CATSPERE: variants seen among roughly 807,000 people sequenced by gnomAD.
CATSPERE encodes the protein catsper channel auxiliary subunit epsilon, also known as cation channel sperm-associated auxiliary subunit epsilon.
A neutral mutation model predicts 114.1 loss-of-function variants in CATSPERE; 93 were observed. The observed-to-expected ratio is 0.81, with a 90% CI of 0.69 to 0.97. The LOEUF is 0.97. Among genes scored for constraint, CATSPERE ranks in the 50% least tolerant of loss-of-function variants. The pLI, the probability that CATSPERE is intolerant of heterozygous loss-of-function variation, is 0.00. For missense variants in CATSPERE, 1,058 were observed against 1,131.6 expected (o/e 0.93, Z 0.93); for synonymous variants, 341 against 384.1 (o/e 0.89, Z 1.31).
Position 244,461,472 on chromosome 1 carries a change from T to G in CATSPERE, c.43T>G (p.Cys15Gly). The change falls in exon 1 of 22, where the codon TGC (cysteine) becomes GGC (glycine). Residue 15 changes from cysteine (C) to glycine (G), a missense_variant. Around this residue, in one of 2 missense-constraint regions of CATSPERE, gnomAD observed 271 missense variants for 225.9 expected, o/e 1.20. Transcript: ENST00000366534. Reference sequence around the variant, plus strand: ...GGCCGTGCTGCTGCTGTGGCTGAGCTGCTATGGCTCCGCCCTTTGGAGGTA... The same window carrying G: ...GGCCGTGCTGCTGCTGTGGCTGAGCGGCTATGGCTCCGCCCTTTGGAGGTA... Reference protein sequence around the residue: ...EVAVLLLWLSCYGSALWRYST... With the variant: ...EVAVLLLWLSGYGSALWRYST... The G allele has an allele frequency of 2.2e-6, 3 of 1,351,696 alleles. No homozygotes were observed. The highest frequency in any genetic ancestry group is 2.9e-6 in the Non-Finnish European group (3 of 1,045,398). 83.7% of individuals were successfully genotyped at this position (1,351,696 alleles called of 1,614,324 possible).
chr1:244,620,572 A>T (rs1254512300), intron 20 of CATSPERE, among the ~76,000 whole-genome samples: 1 of 152,208 alleles, frequency 6.6e-6, no homozygotes, highest in Non-Finnish European at 1.5e-5. Context: ...CAAGTGAAAG[A>T]ACATCATTTT....
At chr1:244,627,668 T>A (rs1673385768) in intron 20 of CATSPERE, among the ~76,000 whole-genome samples, 1 of 152,174 alleles carries the variant, frequency 6.6e-6, no homozygotes, top group Admixed American at 6.5e-5. Context: ...TTTGTGTTAA[T>A]CCCGTGTTGA....
intron 15 of CATSPERE, among the ~76,000 whole-genome samples, chr1:244,592,194 C>T (rs1160563088): frequency 6.6e-6 from 1 of 152,038 alleles, no homozygotes; most frequent in African/African-American, 2.4e-5. Flanking sequence ...ACTAAAAATA[C>T]AAAAAACTAG....
chr1:244,490,676 T>TC (rs36067529), intron 6 of CATSPERE, among the ~76,000 whole-genome samples: 1 of 152,080 alleles, frequency 6.6e-6, no homozygotes, highest in Non-Finnish European at 1.5e-5. Context: ...GGATGGATCT[T>TC]CCCCCCTTTT....
In CATSPERE at chr1:244,504,766, A is replaced by C. The variant is rs148759689; in HGVS notation, c.429+5687A>C. Among the ~76,000 whole-genome samples the C allele has an allele frequency of 1.5e-3, 222 of 152,374 alleles. No individual in the cohort carries two copies. Among genetic ancestry groups the C allele is most frequent in the African/African-American group, 5.1e-3 (213 of 41,588 alleles). ...CCATTACGCGCAATCAAGGGCGCAT[A>C]CAATCATATGATGTGTCGCTGCTGA... On this transcript the variant is annotated intron_variant, in intron 7 of 21. Transcript: ENST00000366534. The surrounding 1 kb of genome is among the most constrained non-coding windows in gnomAD (Gnocchi z 4.1).
At chr1:244,582,640 G>C (rs1249469284) in intron 12 of CATSPERE, among the ~76,000 whole-genome samples, 2 of 152,012 alleles carry the variant, frequency 1.3e-5, no homozygotes, top group African/African-American at 4.8e-5. Context: ...AACCTCAGGT[G>C]ATCCGCCCAC....
intron 1 of CATSPERE, among the ~76,000 whole-genome samples, chr1:244,454,848 C>A (rs998322836): frequency 6.6e-6 from 1 of 152,068 alleles, no homozygotes; most frequent in Non-Finnish European, 1.5e-5. Flanking sequence ...TATAAGCCTG[C>A]TTTTCAAGCC....
chr1:244,576,717 T>C (rs141713174), intron 11 of CATSPERE, among the ~76,000 whole-genome samples: 77 of 152,246 alleles, frequency 5.1e-4, no homozygotes, highest in African/African-American at 1.8e-3. Context: ...ACTGTGTAAC[T>C]CAAATGGCAG....
At chr1:244,602,618 G>A (rs1202711991) in intron 17 of CATSPERE, among the ~76,000 whole-genome samples, 1 of 152,200 alleles carries the variant, frequency 6.6e-6, no homozygotes, top group Admixed American at 6.5e-5. Flanking sequence ...GCTGGATTCA[G>A]AGTCCCAGGG....
At chr1:244,552,261 C>A in intron 8 of CATSPERE, 61 bp from the exon 9 acceptor site, 1 of 1,504,652 alleles carries the variant, frequency 6.6e-7, no homozygotes, top group Non-Finnish European at 8.9e-7. Context: ...TAGATATCAA[C>A]TGTACAAGAT....
rs1673049367 is a variant in CATSPERE, at chr1:244,625,432, A to ATTTGTTTTTTTTTTTT, written c.2648+7749_2648+7750insGTTTTTTTTTTTTTTT. ...TATATATATATATATATATATATAT[A>ATTTGTTTTTTTTTTTT]TTTTTTTTTTTTTTTGAGATGGAGT... On this transcript the variant is annotated intron_variant, in intron 20 of 21. Transcript: ENST00000366534. 1.0e-3 allele frequency among the ~76,000 whole-genome samples: 4 copies of ATTTGTTTTTTTTTTTT among 3,986 alleles called. 1 individual carries two copies. Among genetic ancestry groups the ATTTGTTTTTTTTTTTT allele is most frequent in the African/African-American group, 2.8e-3 (4 of 1,434 alleles). 2.6% of individuals were successfully genotyped at this position (3,986 alleles called of 152,430 possible).
chr1:244,591,659 C>T, intron 14 of CATSPERE, 22 bp from the exon 15 acceptor site: 1 of 1,383,250 alleles, frequency 7.2e-7, no homozygotes, highest in Non-Finnish European at 1.0e-6. Flanking sequence ...ATTTCAACTT[C>T]ATTATGTTTT....
intron 20 of CATSPERE, among the ~76,000 whole-genome samples, chr1:244,630,291 C>T (rs1253562462): frequency 3.9e-5 from 6 of 152,114 alleles, no homozygotes; most frequent in African/African-American, 1.4e-4. Flanking sequence ...GGTGAAAGCT[C>T]CCACATCATG....
intron 8 of CATSPERE, among the ~76,000 whole-genome samples, chr1:244,533,129 TG>T (rs1242997814): frequency 6.6e-6 from 1 of 150,878 alleles, no homozygotes; most frequent in Non-Finnish European, 1.5e-5. Flanking sequence ...TCTCTTTTTG[TG>T]GTTTTTGTCT....
chr1:244,549,423 A>ATC (rs34425843), intron 8 of CATSPERE, among the ~76,000 whole-genome samples: 132,190 of 148,162 alleles, frequency 0.89, 58,438 homozygotes, highest in East Asian at 1. Flanking sequence ...GTGTATGTCT[A>ATC]TATATATATA....
rs542980620 is a variant in CATSPERE at position 244,583,266 on chromosome 1, G to A, written c.2010-598G>A. 9.2e-5 allele frequency among the ~76,000 whole-genome samples: 14 copies of A among 151,824 alleles called. No homozygotes were observed. In the South Asian group the frequency reaches 1.5e-3, roughly 16 times the overall value. Reference sequence around the variant, plus strand: ...GTGTAGGTATAAATCAAACTTTCACGTTTTCTTCTATTATTTTTTAGCCCT... The same window carrying A: ...GTGTAGGTATAAATCAAACTTTCACATTTTCTTCTATTATTTTTTAGCCCT... On this transcript the variant is annotated intron_variant, in intron 12 of 21. Transcript: ENST00000366534.
upstream of CATSPERE, among the ~76,000 whole-genome samples, chr1:244,460,062 C>T (rs553717007): frequency 6.6e-5 from 10 of 152,346 alleles, no homozygotes; most frequent in East Asian, 1.2e-3. Context: ...TCTAACTGAA[C>T]GGATTGCATC....
chr1:244,469,690 A>G (rs1452151879), intron 2 of CATSPERE, among the ~76,000 whole-genome samples: 1 of 152,246 alleles, frequency 6.6e-6, no homozygotes, highest in South Asian at 2.1e-4. Context: ...TCTTATGGCA[A>G]TTCATAGGAA....
At chr1:244,569,069 TC>T (rs1664049602) in intron 10 of CATSPERE, among the ~76,000 whole-genome samples, 1 of 149,556 alleles carries the variant, frequency 6.7e-6, no homozygotes, top group Non-Finnish European at 1.5e-5. Context: ...ACCAGACTGT[TC>T]CTCATGGCAC....
Sources: allele counts gnomAD v4.1 joint callset (sites outside exome capture counted in the v4.1 genomes callset), GRCh38; gene constraint gnomAD v4.1.1; regional missense constraint gnomAD v4.1.1; non-coding constraint Gnocchi (gnomAD v3.1); transcripts MANE v1.5; gene names NCBI Gene and HGNC (gene_info 2026-07-23, HGNC 2026-07-21).